The following TPRG1 variants were observed in gnomAD, a reference collection of about 807,000 sequenced individuals.
TPRG1 encodes tumor protein p63-regulated gene 1 protein.
TPRG1 carries 29 observed loss-of-function variants against 29.3 expected under a neutral mutation model. That is an observed-to-expected ratio of 0.99 (90% confidence interval 0.74 to 1.35). TPRG1 has a LOEUF of 1.35. TPRG1 is among the 40% of genes most tolerant of loss of function. The pLI, the probability that TPRG1 is intolerant of heterozygous loss-of-function variation, is 0.00. For missense variants in TPRG1, 327 were observed against 335.0 expected (o/e 0.98, Z 0.19); for synonymous variants, 130 against 116.8 (o/e 1.11, Z -0.73).
intron 4 of TPRG1, among the ~76,000 whole-genome samples, chr3:189,148,489 G>A (rs906985710): frequency 1.3e-5 from 2 of 152,126 alleles, no homozygotes; most frequent in African/African-American, 2.4e-5. Flanking sequence ...AGCATGCCTC[G>A]CACTGTGGCA....
rs548496124 is a variant in TPRG1 at position 189,271,798 on chromosome 3, C to A, written c.479+32889C>A. 5.1e-4 allele frequency among the ~76,000 whole-genome samples: 78 copies of A among 152,282 alleles called. 1 individual carries two copies. In the South Asian group the frequency reaches 0.015, roughly 30 times the overall value. ...TGGGGAAAAGCATGTGCTTGGGAAC[C>A]AAACAAGTGTGGATTTGAATCCCGA... On this transcript the variant is annotated intron_variant, in intron 4 of 5. Coordinates refer to ENST00000345063, the MANE Select transcript of TPRG1 (RefSeq NM_198485.4).
At chr3:189,085,463 G>GCGTGTGTGTGTGTA (rs1351415938) in intron 4 of TPRG1, among the ~76,000 whole-genome samples, 48 of 152,142 alleles carry the variant, frequency 3.2e-4, no homozygotes, top group African/African-American at 1.2e-3. Context: ...GTGTGTGTGT[G>GCGTGTGTGTGTGTA]TGTGTGTGTG....
In TPRG1 at chr3:189,083,926, C is replaced by T. The variant is rs186192644; in HGVS notation, c.-462-43131C>T. ...GGCATGGTGGCTCACGCCTGTAATC[C>T]CAGCACTTTGGGAGGCTGAGGCAGG... is the stretch of plus-strand genomic sequence containing the variant. On this transcript the variant is annotated intron_variant, in intron 4 of 10. Transcript: ENST00000433971. Among the ~76,000 whole-genome samples, 12 of 152,226 alleles carry T rather than the reference C, an allele frequency of 7.9e-5. 1 individual carries two copies. The highest frequency in any genetic ancestry group is 5.9e-4 in the Admixed American group (9 of 15,276).
intron 1 of TPRG1, among the ~76,000 whole-genome samples, chr3:189,199,883 AAAAACC>A (rs1733172188): frequency 6.6e-6 from 1 of 152,286 alleles, no homozygotes; most frequent in East Asian, 1.9e-4. Flanking sequence ...CCATCTCAAA[AAAAACC>A]AAAACCAAAA....
intron 4 of TPRG1, among the ~76,000 whole-genome samples, chr3:189,288,178 A>G (rs1718392154): frequency 6.6e-6 from 1 of 152,058 alleles, no homozygotes; most frequent in Admixed American, 6.6e-5. Context: ...CTAGTTTTCA[A>G]AATGTTTAGA....
chr3:189,115,088 G>T (rs2108495254), intron 1 of TPRG1, among the ~76,000 whole-genome samples: 1 of 152,348 alleles, frequency 6.6e-6, no homozygotes, highest in South Asian at 2.1e-4. Context: ...GACAGGTAGA[G>T]GTTGTGGTTG....
intron 1 of TPRG1, among the ~76,000 whole-genome samples, chr3:189,206,432 T>G (rs925279912): frequency 2.0e-5 from 3 of 151,792 alleles, no homozygotes; most frequent in Non-Finnish European, 4.4e-5. Flanking sequence ...AGATATAAAG[T>G]GGTGTGTTTT....
intron 3 of TPRG1, among the ~76,000 whole-genome samples, chr3:189,139,683 C>A (rs1450134020): frequency 7.2e-5 from 9 of 125,720 alleles, no homozygotes; most frequent in Non-Finnish European, 8.4e-5. Context: ...TTTTTTTTTT[C>A]AAAAAAAAAT....
At chr3:189,068,513 A>G (rs1716602606) in intron 4 of TPRG1, among the ~76,000 whole-genome samples, 1 of 152,244 alleles carries the variant, frequency 6.6e-6, no homozygotes, top group Admixed American at 6.5e-5. Context: ...GCAGTGGCTC[A>G]CGCCTGTAAT....
chr3:189,039,824 ATCT>A (rs1358572734), intron 4 of TPRG1, among the ~76,000 whole-genome samples: 1 of 139,450 alleles, frequency 7.2e-6, no homozygotes, highest in Admixed American at 8.0e-5. Flanking sequence ...TCATTCTGAT[ATCT>A]TCTTCTCACT....
intron 3 of TPRG1, among the ~76,000 whole-genome samples, chr3:189,143,270 G>T (rs537917069): frequency 6.6e-6 from 1 of 152,310 alleles, no homozygotes; most frequent in African/African-American, 2.4e-5. Flanking sequence ...CCATTCTCCA[G>T]ATGAGGAAGT....
At chr3:189,043,458 A>G (rs1348945983) in intron 4 of TPRG1, among the ~76,000 whole-genome samples, 1 of 152,196 alleles carries the variant, frequency 6.6e-6, no homozygotes, top group East Asian at 1.9e-4. Flanking sequence ...GTTGGACTGC[A>G]TATCATGCAG....
chr3:189,166,391 C>T (rs1473650065), intron 5 of TPRG1, among the ~76,000 whole-genome samples: 2 of 152,210 alleles, frequency 1.3e-5, no homozygotes, highest in Non-Finnish European at 2.9e-5. Flanking sequence ...GAGGTGATAA[C>T]AGTTTGATAC....
intron 4 of TPRG1, among the ~76,000 whole-genome samples, chr3:189,265,191 T>A (rs1004227745): frequency 1.3e-5 from 2 of 152,098 alleles, no homozygotes; most frequent in African/African-American, 4.8e-5. Context: ...GTGTTCGGAG[T>A]CACAGGATCT....
At chr3:189,033,868 G>A (rs926782880) in intron 4 of TPRG1, among the ~76,000 whole-genome samples, 11 of 152,076 alleles carry the variant, frequency 7.2e-5, no homozygotes, top group Non-Finnish European at 1.3e-4. Flanking sequence ...GAGCCACCGT[G>A]CCCAGCCTAC....
intron 1 of TPRG1, among the ~76,000 whole-genome samples, chr3:189,195,314 T>A (rs1019726200): frequency 6.6e-6 from 1 of 152,160 alleles, no homozygotes; most frequent in Non-Finnish European, 1.5e-5. Flanking sequence ...GCTAAAGTAC[T>A]ATTTCCCAAG....
At chr3:189,315,954 T>C (rs988621001) in intron 5 of TPRG1, among the ~76,000 whole-genome samples, 4 of 152,182 alleles carry the variant, frequency 2.6e-5, no homozygotes, top group East Asian at 1.9e-4. Flanking sequence ...ACATTTGATA[T>C]GAAACTCAAG....
chr3:189,160,967 C>T (rs898381652), intron 5 of TPRG1, among the ~76,000 whole-genome samples: 1 of 152,108 alleles, frequency 6.6e-6, no homozygotes, highest in Non-Finnish European at 1.5e-5. Flanking sequence ...GAAAAGGTGC[C>T]TCATAATGGC....
chr3:189,154,120 G>A (rs766726247), intron 5 of TPRG1, among the ~76,000 whole-genome samples: 6 of 152,148 alleles, frequency 3.9e-5, no homozygotes, highest in Non-Finnish European at 7.4e-5. Flanking sequence ...TTCTTGGATG[G>A]AAGGAAGGCA....
Sources: allele counts gnomAD v4.1 joint callset (sites outside exome capture counted in the v4.1 genomes callset), GRCh38; gene constraint gnomAD v4.1.1; transcripts MANE v1.5; gene names NCBI Gene and HGNC (gene_info 2026-07-23, HGNC 2026-07-21).